The following FAM193A variants were observed in gnomAD, a reference collection of about 807,000 sequenced individuals.
FAM193A encodes the protein family with sequence similarity 193 member A.
Under a neutral mutation model 126.5 loss-of-function variants are expected in FAM193A, and 22 were observed. The observed-to-expected ratio is 0.17, with a 90% CI of 0.12 to 0.25. The LOEUF (loss-of-function observed/expected upper bound fraction) is 0.25, where lower values mean the gene tolerates loss of function less well. Ranked by LOEUF, FAM193A falls within the 10% of genes least tolerant of loss-of-function variation. The pLI is 1.00. For missense variants in FAM193A, 1,675 were observed against 1,672.8 expected, an observed-to-expected ratio of 1.00 and a Z score of -0.02; for synonymous variants, 761 against 646.8, an observed-to-expected ratio of 1.18 and a Z score of -2.68.
intron 1 of FAM193A, among the ~76,000 whole-genome samples, chr4:2,557,720 G>A (rs990511802): frequency 1.3e-5 from 2 of 151,344 alleles, no homozygotes; most frequent in African/African-American, 4.9e-5. Context: ...TGGGAGGCTG[G>A]GATGGACGGA....
chr4:2,704,878 C>A (rs7677613), intron 19 of FAM193A, among the ~76,000 whole-genome samples: 1 of 152,090 alleles, frequency 6.6e-6, no homozygotes, highest in Non-Finnish European at 1.5e-5. Context: ...TCATTTCTTA[C>A]TAGGTTTTTG....
chr4:2,552,264 G>A (rs1278088734), intron 1 of FAM193A, among the ~76,000 whole-genome samples: 1 of 151,958 alleles, frequency 6.6e-6, no homozygotes, highest in Non-Finnish European at 1.5e-5. Flanking sequence ...GCCCGCCTCG[G>A]CCTCCCAAAG....
At chr4:2,697,317 C>G (rs1005991227) in intron 18 of FAM193A, among the ~76,000 whole-genome samples, 1 of 152,174 alleles carries the variant, frequency 6.6e-6, no homozygotes, top group African/African-American at 2.4e-5. Context: ...GATTATGCCA[C>G]TGCCCTCCAG....
At chr4:2,609,746 G>A (rs1046174739) in intron 2 of FAM193A, among the ~76,000 whole-genome samples, 27 of 151,930 alleles carry the variant, frequency 1.8e-4, no homozygotes, top group African/African-American at 6.3e-4. Flanking sequence ...TGGCTAACAC[G>A]GTGAAACCCC....
At chr4:2,569,479 T>C (rs1739166364) in intron 1 of FAM193A, among the ~76,000 whole-genome samples, 1 of 152,198 alleles carries the variant, frequency 6.6e-6, no homozygotes, top group Admixed American at 6.6e-5. Context: ...AGTTTGGTGC[T>C]ATTTGCCATT....
chr4:2,671,195 T>C (rs1266970840), intron 12 of FAM193A, among the ~76,000 whole-genome samples: 1 of 152,196 alleles, frequency 6.6e-6, no homozygotes, highest in Non-Finnish European at 1.5e-5. Flanking sequence ...TGCACTGTGC[T>C]CTCCTGGTCA....
intron 2 of FAM193A, among the ~76,000 whole-genome samples, chr4:2,620,216 C>T (rs1184845737): frequency 6.6e-6 from 1 of 152,082 alleles, no homozygotes; most frequent in Non-Finnish European, 1.5e-5. Context: ...AATATGTAGT[C>T]ATCATGTACC....
chr4:2,545,467 T>G (rs1737488766), intron 1 of FAM193A, among the ~76,000 whole-genome samples: 1 of 152,100 alleles, frequency 6.6e-6, no homozygotes, highest in Non-Finnish European at 1.5e-5. Flanking sequence ...TAATGGACAT[T>G]TGGATTGTTT....
intron 1 of FAM193A, among the ~76,000 whole-genome samples, chr4:2,592,467 A>G (rs187957693): frequency 1.3e-5 from 2 of 152,308 alleles, no homozygotes; most frequent in East Asian, 3.9e-4. Context: ...AAGTGGATTT[A>G]TCTTCCTGTC....
chr4:2,674,719 G>A (rs1232835295), intron 13 of FAM193A, among the ~76,000 whole-genome samples: 1 of 151,842 alleles, frequency 6.6e-6, no homozygotes, highest in African/African-American at 2.4e-5. Context: ...TTATTTTCTG[G>A]CTGGTTGTGG....
intron 1 of FAM193A, among the ~76,000 whole-genome samples, chr4:2,545,127 G>C (rs1046746198): frequency 2.0e-5 from 3 of 152,072 alleles, no homozygotes; most frequent in Non-Finnish European, 4.4e-5. Context: ...CGAGTAGCTG[G>C]GATTACAGGC....
intron 1 of FAM193A, among the ~76,000 whole-genome samples, chr4:2,595,604 C>T (rs1740809964): frequency 6.6e-6 from 1 of 152,192 alleles, no homozygotes. Context: ...GGATGTGCAG[C>T]TGCCATCAGC....
chr4:2,700,687 A>C (rs1302126247), intron 19 of FAM193A, 143 bp downstream of exon 19: 5 of 1,014,974 alleles, frequency 4.9e-6, no homozygotes, highest in Non-Finnish European at 7.1e-6. Flanking sequence ...GGGGCCAGGC[A>C]TGGTGGCTCA....
intron 1 of FAM193A, among the ~76,000 whole-genome samples, chr4:2,538,451 C>T (rs1737023208): frequency 6.6e-6 from 1 of 152,044 alleles, no homozygotes; most frequent in Admixed American, 6.6e-5. Context: ...CCTTGGCGTC[C>T]CAAAGTGCTG....
intron 7 of FAM193A, among the ~76,000 whole-genome samples, chr4:2,651,886 G>A (rs778689535): frequency 1.3e-5 from 2 of 152,166 alleles, no homozygotes; most frequent in Non-Finnish European, 2.9e-5. Context: ...GCCCCCAGGA[G>A]GAGAGTCCAG....
chr4:2,714,541 C>T (rs1401699361), intron 19 of FAM193A, among the ~76,000 whole-genome samples: 1 of 152,088 alleles, frequency 6.6e-6, no homozygotes, highest in Non-Finnish European at 1.5e-5. Flanking sequence ...ATTGTGGCCT[C>T]CACCCCGCTG....
chr4:2,700,390 C>G lies in FAM193A; in HGVS notation c.4218C>G (p.Ile1406Met), dbSNP rs577955738. 1 of 1,614,120 alleles carries G rather than the reference C, an allele frequency of 6.2e-7. No individual in the cohort carries two copies. Among genetic ancestry groups the G allele is most frequent in the South Asian group, 1.1e-5 (1 of 91,072 alleles). Reference sequence around the variant, plus strand: ...ATAACAAAAAGCAGCTGAACCACATCAAGGACGAAAAGTCAAACCCAACCC... The same window carrying G: ...ATAACAAAAAGCAGCTGAACCACATGAAGGACGAAAAGTCAAACCCAACCC... ...NNNNKKQLNH[I>M]KDEKSNPTPM... Residue 1406 changes from isoleucine to methionine, a missense_variant, in exon 19 of 21, where the codon ATC becomes ATG. Physicochemically the swap from Ile to Met is conservative, Grantham distance 10. Transcript: ENST00000637812.
At chr4:2,570,036 A>G (rs1739197432) in intron 1 of FAM193A, among the ~76,000 whole-genome samples, 1 of 142,404 alleles carries the variant, frequency 7.0e-6, no homozygotes, top group Non-Finnish European at 1.5e-5. Context: ...AGTCAAATAC[A>G]TCTGGAGGTT....
chr4:2,693,686 G>A lies in FAM193A; in HGVS notation c.2904G>A (p.Ser968=), dbSNP rs147297577. 1.2e-5 allele frequency: 20 copies of A among 1,613,828 alleles called. No homozygotes were observed. Among genetic ancestry groups the A allele is most frequent in the African/African-American group, 9.4e-5 (7 of 74,866 alleles). The change falls in exon 16 of 21, where the codon TCG becomes TCA. Residue 968 remains serine, a synonymous_variant. Transcript: ENST00000637812. ...GCTTGGCCCCCCTCCCAGCGCTCTC[G>A]CCTGCTGCGCTGTCACCTGCTGCGC... is the stretch of plus-strand genomic sequence containing the variant. ...PTGLAPLPAL[S]PAALSPAALS... is the part of the protein sequence containing the mutation.
Sources: gnomAD v4.1 joint callset for allele counts (sites outside exome capture counted in the v4.1 genomes callset) on GRCh38, gnomAD v4.1.1 for gene constraint, MANE v1.5 for transcripts, NCBI Gene and HGNC (gene_info 2026-07-23, HGNC 2026-07-21) for gene names.